Variants in WDR7 observed in about 807,000 individuals in gnomAD.
The protein encoded by WDR7 is WD repeat-containing protein 7.
A neutral mutation model predicts 169.4 loss-of-function variants in WDR7; 46 were observed. The ratio of observed to expected loss-of-function variants is 0.27; its 90% CI spans 0.21 to 0.35. WDR7 has a LOEUF of 0.35. Among genes scored for constraint, WDR7 ranks in the 10% least tolerant of loss-of-function variants. The pLI is 1.00. For synonymous variants in WDR7, 612 were observed against 666.8 expected, an observed-to-expected ratio of 0.92 and a Z score of 1.27; for missense variants, 1,534 against 1,859.3, an observed-to-expected ratio of 0.83 and a Z score of 3.22.
chr18:56,839,985 C>A lies in WDR7; in HGVS notation c.3304+23841C>A, dbSNP rs139196165. Among the ~76,000 whole-genome samples the A allele has an allele frequency of 5.6e-3, 851 of 152,216 alleles. 11 individuals are homozygous for A. Among genetic ancestry groups the A allele is most frequent in the African/African-American group, 0.019 (809 of 41,508 alleles). On this transcript the variant is annotated intron_variant, in intron 20 of 27. Transcript: ENST00000254442. The stretch of plus-strand genomic sequence containing the variant: ...GCTGAGGCAGGAGAATCTCTTGTAC[C>A]CAGGAGGCGGATGTTGTGGTGAGCC...
intron 21 of WDR7, among the ~76,000 whole-genome samples, chr18:56,917,799 A>G (rs1304171333): frequency 2.0e-5 from 3 of 152,188 alleles, no homozygotes; most frequent in Middle Eastern, 3.2e-3. Context: ...TTGCTGTTAC[A>G]GCAAAGTGTA....
chr18:56,852,203 G>C (rs1044378217), intron 20 of WDR7, among the ~76,000 whole-genome samples: 3 of 152,160 alleles, frequency 2.0e-5, no homozygotes, highest in Middle Eastern at 3.2e-3. Flanking sequence ...ATAATATTCA[G>C]ACAGATATCT....
intron 26 of WDR7, among the ~76,000 whole-genome samples, chr18:56,967,092 A>G (rs2047418608): frequency 6.6e-6 from 1 of 152,222 alleles, no homozygotes; most frequent in South Asian, 2.1e-4. Flanking sequence ...ATTAAATTTC[A>G]TTAATTGTAG....
chr18:56,878,709 C>A (rs1379047681), intron 20 of WDR7, among the ~76,000 whole-genome samples: 2 of 152,120 alleles, frequency 1.3e-5, no homozygotes. Context: ...TACTTATTAG[C>A]TATTGTTAAC....
chr18:56,752,119 G>A (rs78051447), intron 14 of WDR7, among the ~76,000 whole-genome samples: 5,981 of 152,146 alleles, frequency 0.039, 381 homozygotes, highest in African/African-American at 0.14. Context: ...AGATTCTGAC[G>A]CGTTCCTAAA....
intron 20 of WDR7, among the ~76,000 whole-genome samples, chr18:56,875,635 A>G (rs954760068): frequency 3.9e-5 from 6 of 152,146 alleles, no homozygotes; most frequent in African/African-American, 9.7e-5. Flanking sequence ...ATAGAAATCC[A>G]CAGACTCCTT....
intron 26 of WDR7, among the ~76,000 whole-genome samples, chr18:57,003,255 T>C (rs2048008311): frequency 6.6e-6 from 1 of 152,102 alleles, no homozygotes; most frequent in Admixed American, 6.6e-5. Context: ...AGAACTTTTA[T>C]AAATCTAAGC....
rs758726098 is a variant in WDR7, at chr18:56,816,031, C to T, written c.3191C>T (p.Pro1064Leu). ...GCCTTGTGATTCATATTTGTTTTAG[C>T]TGGAGTCACATCAGAAGCCGCGCAG... ...LPQYIDHVIS[P>L]GVTSEAAQTI... The change falls in exon 20 of 28, where the codon CCT becomes CTT. Residue 1064 changes from proline (P) to leucine (L), a missense_variant and splice_region_variant. Physicochemically the swap from Pro to Leu is moderately conservative, Grantham distance 98 (BLOSUM62 -3). Coordinates refer to ENST00000254442, the MANE Select transcript of WDR7 (RefSeq NM_015285.3). The T allele has an allele frequency of 9.5e-6, 15 of 1,586,654 alleles. No homozygotes were observed. Among genetic ancestry groups the T allele is most frequent in the South Asian group, 7.0e-5 (6 of 85,592 alleles).
At position 56,691,528 on chromosome 18, in the gene WDR7, A is replaced by C. The variant is rs75417939; in HGVS notation, c.863+167A>C. On this transcript the variant is annotated intron_variant, in intron 8 of 27. Coordinates refer to ENST00000254442, the MANE Select transcript of WDR7 (RefSeq NM_015285.3). ...TAATTCCAATTTAACTTCTAAGTGCAAAAATTAGGTGGATTTTTATTTGAA... is the reference window on the plus strand; with the variant it reads ...TAATTCCAATTTAACTTCTAAGTGCCAAAATTAGGTGGATTTTTATTTGAA... Among the ~76,000 whole-genome samples the C allele has an allele frequency of 2.8e-3, 420 of 152,306 alleles. 3 individuals carry two copies. In the East Asian group the frequency reaches 0.037, roughly 14 times the overall value.
chr18:56,791,914 G>T (rs574944354), intron 19 of WDR7, among the ~76,000 whole-genome samples: 2 of 152,132 alleles, frequency 1.3e-5, no homozygotes, highest in African/African-American at 4.8e-5. Flanking sequence ...TGTAAGCCTT[G>T]TCTCCTCAAC....
At chr18:56,853,004 A>G (rs188191162) in intron 20 of WDR7, among the ~76,000 whole-genome samples, 121 of 152,286 alleles carry the variant, frequency 7.9e-4, no homozygotes, top group African/African-American at 2.9e-3. Context: ...ATCATTAGTA[A>G]ACTTGAAAAC....
chr18:56,835,943 G>T (rs745769195), intron 20 of WDR7, among the ~76,000 whole-genome samples: 10 of 152,056 alleles, frequency 6.6e-5, no homozygotes, highest in Admixed American at 2.6e-4. Flanking sequence ...ATGAAGTGAG[G>T]CACCTGATGT....
intron 25 of WDR7, among the ~76,000 whole-genome samples, chr18:56,944,845 C>A (rs1330047793): frequency 2.6e-5 from 4 of 151,974 alleles, no homozygotes; most frequent in Non-Finnish European, 5.9e-5. Context: ...TGTTTTCAAA[C>A]CTATTAATTC....
chr18:56,839,035 C>A (rs927063706), intron 20 of WDR7, among the ~76,000 whole-genome samples: 5 of 152,042 alleles, frequency 3.3e-5, no homozygotes, highest in Non-Finnish European at 7.4e-5. Flanking sequence ...CACCATTCTC[C>A]ATATTGTTTA....
intron 12 of WDR7, among the ~76,000 whole-genome samples, chr18:56,709,988 T>TTA (rs202029110): frequency 0.031 from 4,577 of 147,544 alleles, 244 homozygotes; most frequent in African/African-American, 0.11. Context: ...GAACCACAAT[T>TTA]TATATATATA....
intron 1 of WDR7, among the ~76,000 whole-genome samples, chr18:56,667,411 A>G (rs182996565): frequency 2.6e-5 from 4 of 152,220 alleles, no homozygotes; most frequent in Admixed American, 1.3e-4. Flanking sequence ...CCCTCATACT[A>G]TCTCAAAAAG....
At chr18:56,753,214 C>A (rs575923436) in intron 14 of WDR7, 1 of 152,100 alleles carries the variant, frequency 6.6e-6, no homozygotes, top group African/African-American at 2.4e-5. Flanking sequence ...AAATAATTTT[C>A]CTAAAAAAAT....
chr18:56,905,423 A>G (rs1487790925), intron 21 of WDR7, among the ~76,000 whole-genome samples: 1 of 152,172 alleles, frequency 6.6e-6, no homozygotes, highest in Non-Finnish European at 1.5e-5. Context: ...TGCTGGGATT[A>G]CAGGCATGAG....
chr18:56,793,499 A>G (rs556413929), intron 19 of WDR7, among the ~76,000 whole-genome samples: 5 of 152,212 alleles, frequency 3.3e-5, no homozygotes, highest in African/African-American at 1.2e-4. Context: ...GAATCAGTAA[A>G]TCAATTTCTA....
Sources: allele counts gnomAD v4.1 joint callset (sites outside exome capture counted in the v4.1 genomes callset), GRCh38; gene constraint gnomAD v4.1.1; transcripts MANE v1.5; gene names NCBI Gene and HGNC (gene_info 2026-07-23, HGNC 2026-07-21).